BRDT: variants seen among roughly 807,000 people sequenced by gnomAD.
The protein encoded by BRDT is bromodomain testis associated.
BRDT carries 77 observed loss-of-function variants against 113.9 expected under a neutral mutation model. The observed-to-expected ratio is 0.68, with a 90% confidence interval of 0.56 to 0.82. The LOEUF is 0.82. Among genes scored for constraint, BRDT ranks in the 40% least tolerant of loss-of-function variants. The pLI, the probability that BRDT is intolerant of heterozygous loss-of-function variation, is 0.00. For synonymous variants in BRDT, 358 were observed against 366.5 expected (o/e 0.98, Z 0.26); for missense variants, 1,027 against 1,105.4 (o/e 0.93, Z 1.01).
At chr1:91,987,726 G>C (rs955014636) in intron 12 of BRDT, among the ~76,000 whole-genome samples, 2 of 151,946 alleles carry the variant, frequency 1.3e-5, no homozygotes, top group Non-Finnish European at 2.9e-5. Context: ...GTTCAAATTG[G>C]CTTGCTGATA....
At chr1:91,984,157 GA>G (rs997834139) in intron 12 of BRDT, among the ~76,000 whole-genome samples, 4 of 152,060 alleles carry the variant, frequency 2.6e-5, no homozygotes, top group African/African-American at 7.2e-5. Context: ...AGACAAATGG[GA>G]AAAAATTATA....
intron 18 of BRDT, among the ~76,000 whole-genome samples, chr1:92,007,892 T>C (rs187125272): frequency 6.0e-5 from 9 of 151,132 alleles, no homozygotes; most frequent in Admixed American, 6.6e-5. Flanking sequence ...TTTATTTATT[T>C]ATTTATTCAT....
Position 91,951,406 on chromosome 1 carries a change from A to T in BRDT, c.-38+1724A>T, listed in dbSNP as rs1430412834. Reference sequence around the variant, plus strand: ...AATATTTAAATTATATTCAGCAGTCATTTGTGCCCATGTATTTGATACTTT... The same window carrying T: ...AATATTTAAATTATATTCAGCAGTCTTTTGTGCCCATGTATTTGATACTTT... On this transcript the variant is annotated intron_variant, in intron 1 of 18. Coordinates refer to ENST00000399546, the MANE Select transcript of BRDT (RefSeq NM_207189.4). Among the ~76,000 whole-genome samples, 18 of 151,950 alleles carry T rather than the reference A, an allele frequency of 1.2e-4. 1 individual carries two copies. The highest frequency in any genetic ancestry group is 1.1e-3 in the Admixed American group (17 of 15,232).
intron 17 of BRDT, among the ~76,000 whole-genome samples, 182 bp downstream of exon 17, chr1:92,004,801 TAATC>T (rs1687157620): frequency 6.6e-6 from 1 of 152,198 alleles, no homozygotes; most frequent in Non-Finnish European, 1.5e-5. Flanking sequence ...TGAAGACAAA[TAATC>T]AAGGGATTAA....
intron 16 of BRDT, 69 bp downstream of exon 16, chr1:92,002,218 A>T: frequency 9.1e-7 from 1 of 1,099,464 alleles, no homozygotes; most frequent in Non-Finnish European, 1.3e-6. Context: ...GTGGTACAAG[A>T]GGTATTTAAA....
intron 12 of BRDT, among the ~76,000 whole-genome samples, chr1:91,989,478 A>C (rs1170047206): frequency 2.0e-5 from 3 of 152,082 alleles, no homozygotes; most frequent in Non-Finnish European, 4.4e-5. Flanking sequence ...CTCCCGCCTC[A>C]GCCTCCCAAA....
chr1:91,992,012 A>G (rs1372933631), intron 13 of BRDT, among the ~76,000 whole-genome samples: 1 of 147,054 alleles, frequency 6.8e-6, no homozygotes, highest in Non-Finnish European at 1.5e-5. Flanking sequence ...AAAAAAAAAA[A>G]AAAAAAGAAA....
chr1:91,953,996 G>C (rs1390919876), intron 1 of BRDT, among the ~76,000 whole-genome samples: 2 of 151,562 alleles, frequency 1.3e-5, no homozygotes, highest in East Asian at 1.9e-4. Context: ...TTTTGAGACA[G>C]AGTCTCCCTC....
chr1:91,979,786 A>T (rs1207950754), intron 8 of BRDT, 29 bp downstream of exon 8: 1 of 1,574,342 alleles, frequency 6.4e-7, no homozygotes. Flanking sequence ...ACAAATTTTG[A>T]TAATCTATGA....
At chr1:91,971,798 C>T (rs986072131) in intron 4 of BRDT, among the ~76,000 whole-genome samples, 3 of 152,270 alleles carry the variant, frequency 2.0e-5, no homozygotes, top group Middle Eastern at 3.4e-3. Context: ...TATAACAGAT[C>T]CTTTCCTCCT....
chr1:91,981,483 G>C (rs1684725388), intron 11 of BRDT, 102 bp downstream of exon 11: 1 of 1,514,424 alleles, frequency 6.6e-7, no homozygotes, highest in African/African-American at 1.4e-5. Context: ...GGCCTCATGT[G>C]ATCCTCCACC....
intron 13 of BRDT, among the ~76,000 whole-genome samples, chr1:91,991,626 C>A (rs1685759604): frequency 6.6e-6 from 1 of 152,152 alleles, no homozygotes; most frequent in Non-Finnish European, 1.5e-5. Context: ...AAGGTTTCTA[C>A]AGATAAAGCT....
At chr1:91,996,368 C>A (rs1188918358) in intron 15 of BRDT, among the ~76,000 whole-genome samples, 1 of 152,180 alleles carries the variant, frequency 6.6e-6, no homozygotes, top group Non-Finnish European at 1.5e-5. Context: ...CATGCCTCAG[C>A]CACCCAAGTA....
intron 4 of BRDT, among the ~76,000 whole-genome samples, chr1:91,969,902 C>G (rs1683460815): frequency 7.1e-6 from 1 of 141,554 alleles, no homozygotes; most frequent in Non-Finnish European, 1.5e-5. Context: ...GATCTCTGCT[C>G]ACTGCAACCT....
In BRDT at chr1:92,005,298, C is replaced by A; in HGVS notation, c.2774C>A (p.Ala925Glu). ...GAACAAGAGAGGAGGAGGAGAGAAG[C>A]AGTAAGTGAATTTTAGTTTACTAAA... The part of the protein sequence containing the change: ...QKEQERRRRE[A>E]MVGTIDMTLQ... Residue 925 changes from alanine to glutamate, a missense_variant and splice_region_variant, in exon 18 of 19, where the codon GCA (alanine) becomes GAA (glutamate). Transcript: ENST00000399546. The A allele has an allele frequency of 6.5e-7, 1 of 1,535,332 alleles. No homozygotes were observed.
chr1:91,995,085 C>T (rs1252034410), intron 15 of BRDT, among the ~76,000 whole-genome samples: 1 of 151,876 alleles, frequency 6.6e-6, no homozygotes, highest in Non-Finnish European at 1.5e-5. Flanking sequence ...GAAAGTTTTG[C>T]CTGTCTCAAC....
intron 17 of BRDT, 129 bp downstream of exon 17, chr1:92,004,748 A>C: frequency 1.3e-6 from 1 of 786,242 alleles, no homozygotes; most frequent in Non-Finnish European, 1.9e-6. Flanking sequence ...TTGTAATTGC[A>C]AAAAGTACAT....
chr1:91,964,753 T>A lies in BRDT; in HGVS notation c.319T>A (p.Leu107Ile). The A allele has an allele frequency of 6.7e-7, 1 of 1,486,128 alleles. No individual in the cohort carries two copies. Among genetic ancestry groups the A allele is most frequent in the South Asian group, 1.4e-5 (1 of 70,968 alleles). The allele number at this position is 1,486,128 out of a possible 1,614,324, so 92.1% of individuals were successfully genotyped here. Reference protein sequence around the residue: ...DFNTMFSNCYLYNKPGDDIVL... With the variant: ...DFNTMFSNCYIYNKPGDDIVL... The stretch of plus-strand genomic sequence containing the variant: ...CAATACAATGTTCTCAAATTGTTAT[T>A]TATATAACAAGGTATGTAAGCCTTA... The change falls in exon 3 of 19, where the codon TTA (leucine) becomes ATA (isoleucine). Residue 107 changes from leucine (L) to isoleucine (I), a missense_variant. Leu to Ile is a conservative substitution (Grantham distance 5, BLOSUM62 2). Coordinates refer to ENST00000399546, the MANE Select transcript of BRDT (RefSeq NM_207189.4).
intron 15 of BRDT, among the ~76,000 whole-genome samples, chr1:92,001,764 G>C (rs1156406419): frequency 3.3e-5 from 5 of 151,846 alleles, no homozygotes; most frequent in Non-Finnish European, 7.4e-5. Flanking sequence ...ATAGCATGGG[G>C]TCAGATAAAA....
Sources: allele counts gnomAD v4.1 joint callset (sites outside exome capture counted in the v4.1 genomes callset), GRCh38; gene constraint gnomAD v4.1.1; transcripts MANE v1.5; gene names NCBI Gene and HGNC (gene_info 2026-07-23, HGNC 2026-07-21).